Variants in PCDHGA9 observed in about 807,000 individuals in gnomAD.
The protein encoded by PCDHGA9 is protocadherin gamma subfamily A, 9.
PCDHGA9 carries 37 observed loss-of-function variants against 62.5 expected under a neutral mutation model. That is an observed-to-expected ratio of 0.59 (90% CI 0.46 to 0.78). The LOEUF is 0.78. Among genes scored for constraint, PCDHGA9 ranks in the 30% least tolerant of loss-of-function variants. PCDHGA9 has a pLI of 0.00. For synonymous variants in PCDHGA9, 459 were observed against 484.6 expected (o/e 0.95, Z 0.69); for missense variants, 1,138 against 1,166.2 (o/e 0.98, Z 0.35).
At chr5:141,465,318 A>G (rs1440554123) in intron 1 of PCDHGA9, among the ~76,000 whole-genome samples, 1 of 152,198 alleles carries the variant, frequency 6.6e-6, no homozygotes, top group Non-Finnish European at 1.5e-5. Flanking sequence ...AGCCATGTCA[A>G]TGCAGTATTT....
intron 1 of PCDHGA9, chr5:141,478,401 T>G: frequency 6.2e-7 from 1 of 1,613,480 alleles, no homozygotes; most frequent in South Asian, 1.1e-5. Context: ...CAGGTGTATC[T>G]CACCACGGAC....
chr5:141,500,114 G>A (rs72790070), intron 2 of PCDHGA9, among the ~76,000 whole-genome samples: 10,550 of 151,670 alleles, frequency 0.07, 640 homozygotes, highest in African/African-American at 0.16. Flanking sequence ...TTGAATCCCT[G>A]CCTTTTCATA....
chr5:141,459,529 G>A (rs1201996126), intron 1 of PCDHGA9, among the ~76,000 whole-genome samples: 2 of 152,134 alleles, frequency 1.3e-5, no homozygotes, highest in African/African-American at 2.4e-5. Context: ...ATTTTTGTAG[G>A]CATATTTTTT....
chr5:141,447,356 C>T (rs1158878203), intron 1 of PCDHGA9, among the ~76,000 whole-genome samples: 4 of 152,000 alleles, frequency 2.6e-5, no homozygotes, highest in African/African-American at 9.7e-5. Context: ...TCAGGCTGGT[C>T]TCAAACTCCT....
intron 1 of PCDHGA9, chr5:141,409,807 C>T (rs1561723178): frequency 1.2e-6 from 2 of 1,611,592 alleles, no homozygotes; most frequent in Non-Finnish European, 1.7e-6. Flanking sequence ...TGCAGGCCCG[C>T]GACCACGGCT....
At position 141,460,912 on chromosome 5, in the gene PCDHGA9, G is replaced by GTGTATATA. The variant is rs145509489; in HGVS notation, c.2425-33894_2425-33893insGTATATAT. ...TCGTGGCTGAGTAATATTCCATGGTGTATATATATATATGTGTGTGTGTAT... is the reference window on the plus strand; with the variant it reads ...TCGTGGCTGAGTAATATTCCATGGTGTGTATATATATATATATATATGTGTGTGTGTAT... On this transcript the variant is annotated intron_variant, in intron 1 of 3. Transcript: ENST00000573521. Among the ~76,000 whole-genome samples the GTGTATATA allele has an allele frequency of 5.0e-3, 740 of 149,316 alleles. 4 individuals are homozygous for GTGTATATA. The highest frequency in any genetic ancestry group is 0.015 in the African/African-American group (617 of 40,618).
chr5:141,416,996 C>T (rs1280099812), intron 1 of PCDHGA9: 1 of 151,012 alleles, frequency 6.6e-6, no homozygotes. Flanking sequence ...GTGCATTCAT[C>T]TCAAATAATT....
In PCDHGA9 at chr5:141,429,386, T is replaced by A. The variant is rs534045300; in HGVS notation, c.2424+24010T>A. Among the ~76,000 whole-genome samples the A allele has an allele frequency of 4.0e-3, 602 of 151,936 alleles. 6 individuals carry two copies. The highest frequency in any genetic ancestry group is 0.011 in the Admixed American group (171 of 15,268). On this transcript the variant is annotated intron_variant, in intron 1 of 3. Coordinates refer to ENST00000573521, the MANE Select transcript of PCDHGA9 (RefSeq NM_018921.3). ...AAAATGGAGAAAATGTGTTTTTTTTTTAAAAAAAATTGAGATTAAGGTCTC... is the reference window on the plus strand; with the variant it reads ...AAAATGGAGAAAATGTGTTTTTTTTATAAAAAAAATTGAGATTAAGGTCTC...
intron 1 of PCDHGA9, among the ~76,000 whole-genome samples, chr5:141,437,807 G>T (rs910427301): frequency 6.7e-6 from 1 of 149,476 alleles, no homozygotes; most frequent in Non-Finnish European, 1.5e-5. Flanking sequence ...GCACTATCTT[G>T]GCTCACTGCA....
At chr5:141,509,625 G>T (rs915049847) in intron 3 of PCDHGA9, among the ~76,000 whole-genome samples, 1 of 152,186 alleles carries the variant, frequency 6.6e-6, no homozygotes, top group Non-Finnish European at 1.5e-5. Flanking sequence ...AAGTTCCTGG[G>T]TGATGCTGAG....
intron 1 of PCDHGA9, chr5:141,416,530 G>C (rs976560428): frequency 6.6e-6 from 1 of 152,160 alleles, no homozygotes; most frequent in Non-Finnish European, 1.5e-5. Context: ...GCTCTTTAAT[G>C]TATAAGGAGG....
chr5:141,422,077 A>C (rs2096622436), intron 1 of PCDHGA9: 1 of 1,612,340 alleles, frequency 6.2e-7, no homozygotes, highest in Admixed American at 1.7e-5. Flanking sequence ...TTCATTTCGG[A>C]ACATGGAAAG....
chr5:141,436,309 T>C (rs1228417864), intron 1 of PCDHGA9, among the ~76,000 whole-genome samples: 1 of 152,198 alleles, frequency 6.6e-6, no homozygotes, highest in Non-Finnish European at 1.5e-5. Flanking sequence ...AGAGCATGAA[T>C]AGTCAAGACT....
chr5:141,494,962 T>G (rs1644946600), intron 2 of PCDHGA9, 97 bp downstream of exon 2: 4 of 1,596,756 alleles, frequency 2.5e-6, no homozygotes, highest in Non-Finnish European at 3.4e-6. Context: ...TTGCTACAGA[T>G]GGCTTCTCCC....
chr5:141,486,552 A>C lies in PCDHGA9; in HGVS notation c.2425-8255A>C. The C allele has an allele frequency of 6.2e-7, 1 of 1,614,136 alleles. No individual in the cohort carries two copies. The highest frequency in any genetic ancestry group is 1.1e-5 in the South Asian group (1 of 91,082). On this transcript the variant is annotated intron_variant, in intron 1 of 3. Coordinates refer to ENST00000573521, the MANE Select transcript of PCDHGA9 (RefSeq NM_018921.3). This position sits in a 1 kb window ranked among gnomAD's most constrained non-coding sequence, Gnocchi z 5.0. The stretch of plus-strand genomic sequence containing the variant: ...CCACCCTCTTTCTTTCAGAGGTCAC[A>C]TGAGGTGTTTGTTCCTGAGAACAAT...
chr5:141,453,288 A>G (rs931678565), intron 1 of PCDHGA9, among the ~76,000 whole-genome samples: 1 of 151,342 alleles, frequency 6.6e-6, no homozygotes, highest in Non-Finnish European at 1.5e-5. Context: ...TAATTTTTTA[A>G]TTATTTATTT....
chr5:141,500,444 C>T (rs1032064705), intron 2 of PCDHGA9, among the ~76,000 whole-genome samples: 3 of 151,370 alleles, frequency 2.0e-5, no homozygotes, highest in African/African-American at 4.9e-5. Context: ...CTCCTGACCT[C>T]GTGATCCGCC....
intron 1 of PCDHGA9, among the ~76,000 whole-genome samples, chr5:141,405,709 C>T (rs2094708572): frequency 2.0e-5 from 3 of 152,150 alleles, no homozygotes; most frequent in African/African-American, 7.2e-5. Context: ...AATTCCTAAC[C>T]TCAAGTGATC....
chr5:141,420,975 G>A, intron 1 of PCDHGA9: 2 of 458,946 alleles, frequency 4.4e-6, no homozygotes, highest in South Asian at 4.2e-5. Context: ...TAATAAGAAT[G>A]GGCTCTAGGC....
Sources: allele counts gnomAD v4.1 joint callset (sites outside exome capture counted in the v4.1 genomes callset), GRCh38; gene constraint gnomAD v4.1.1; non-coding constraint Gnocchi (gnomAD v3.1); transcripts MANE v1.5; gene names NCBI Gene and HGNC (gene_info 2026-07-23, HGNC 2026-07-21).